Variants in SLC16A9 observed in about 807,000 individuals in gnomAD.
SLC16A9 encodes the protein monocarboxylate transporter 9.
SLC16A9 carries 26 observed loss-of-function variants against 44.3 expected under a neutral mutation model. The observed-to-expected ratio is 0.59, with a 90% CI of 0.43 to 0.81. The LOEUF (loss-of-function observed/expected upper bound fraction) is 0.81. Among genes scored for constraint, SLC16A9 ranks in the 40% least tolerant of loss-of-function variants. SLC16A9 has a pLI of 0.00. For synonymous variants in SLC16A9, 230 were observed against 225.1 expected (o/e 1.02, Z -0.19); for missense variants, 559 against 595.8 (o/e 0.94, Z 0.64).
At chr10:59,707,942 C>A (rs1477558384) in intron 1 of SLC16A9, among the ~76,000 whole-genome samples, 2 of 152,194 alleles carry the variant, frequency 1.3e-5, no homozygotes, top group African/African-American at 4.8e-5. Flanking sequence ...TCTTGATCTA[C>A]CTCCCCATAT....
intron 1 of SLC16A9, among the ~76,000 whole-genome samples, chr10:59,707,597 A>C (rs556174057): frequency 2.0e-5 from 3 of 151,968 alleles, no homozygotes; most frequent in South Asian, 4.1e-4. Flanking sequence ...AAAAAAAAAA[A>C]AAAACAAAAG....
At chr10:59,678,534 C>CTTTTTTTTTTTTTTTTTTTT (rs1839909825) in intron 2 of SLC16A9, among the ~76,000 whole-genome samples, 1 of 12,368 alleles carries the variant, frequency 8.1e-5, no homozygotes, top group African/African-American at 1.7e-4. Flanking sequence ...TTTTTTTTTT[C>CTTTTTTTTTTTTTTTTTTTT]TTTTTCTTTT....
At chr10:59,695,481 A>G (rs769786945) in intron 1 of SLC16A9, among the ~76,000 whole-genome samples, 25 of 152,174 alleles carry the variant, frequency 1.6e-4, no homozygotes, top group Non-Finnish European at 2.9e-4. Flanking sequence ...CACAGTTACA[A>G]TGACCAAATA....
At chr10:59,661,693 C>T (rs1458570537) in intron 4 of SLC16A9, among the ~76,000 whole-genome samples, 2 of 152,140 alleles carry the variant, frequency 1.3e-5, no homozygotes, top group African/African-American at 4.8e-5. Flanking sequence ...ATAGCCAAGA[C>T]AATTCTAAGC....
intron 4 of SLC16A9, among the ~76,000 whole-genome samples, chr10:59,655,569 C>T (rs1218203373): frequency 6.6e-6 from 1 of 152,070 alleles, no homozygotes; most frequent in Non-Finnish European, 1.5e-5. Context: ...ATTTAAATTA[C>T]AAAGTATGCT....
intron 1 of SLC16A9, among the ~76,000 whole-genome samples, chr10:59,690,644 A>G (rs1346187345): frequency 6.6e-6 from 1 of 152,244 alleles, no homozygotes; most frequent in Non-Finnish European, 1.5e-5. Flanking sequence ...CTCACAGAGC[A>G]AAACAAGATT....
At chr10:59,694,373 G>A (rs1171639) in intron 1 of SLC16A9, among the ~76,000 whole-genome samples, 2 of 151,752 alleles carry the variant, frequency 1.3e-5, no homozygotes, top group East Asian at 1.9e-4. Context: ...AGTAAGAAAA[G>A]AAAAAAGAGG....
At chr10:59,666,800 CTT>C (rs1839627780) in intron 3 of SLC16A9, among the ~76,000 whole-genome samples, 1 of 146,596 alleles carries the variant, frequency 6.8e-6, no homozygotes, top group Non-Finnish European at 1.5e-5. Context: ...CTGATATTTT[CTT>C]GTAAATGAAC....
At chr10:59,660,575 C>T (rs1350021271) in intron 4 of SLC16A9, among the ~76,000 whole-genome samples, 2 of 152,148 alleles carry the variant, frequency 1.3e-5, no homozygotes, top group African/African-American at 4.8e-5. Context: ...AACAGAGGTA[C>T]AAAGAGGAGC....
At chr10:59,695,773 G>T (rs867156459) in intron 1 of SLC16A9, among the ~76,000 whole-genome samples, 4 of 152,146 alleles carry the variant, frequency 2.6e-5, no homozygotes, top group Non-Finnish European at 5.9e-5. Flanking sequence ...AGAGGAATCT[G>T]AACAATGAGA....
intron 1 of SLC16A9, among the ~76,000 whole-genome samples, chr10:59,697,175 G>A (rs1242063580): frequency 1.4e-5 from 2 of 145,474 alleles, no homozygotes; most frequent in Admixed American, 6.8e-5. Flanking sequence ...CTGCCCGGCC[G>A]CCCCTACTGG....
chr10:59,695,666 A>G (rs1327982827), intron 1 of SLC16A9, among the ~76,000 whole-genome samples: 1 of 152,214 alleles, frequency 6.6e-6, no homozygotes, highest in Non-Finnish European at 1.5e-5. Context: ...TCAGGAAATT[A>G]TGTATTGCTT....
intron 3 of SLC16A9, among the ~76,000 whole-genome samples, chr10:59,666,175 T>C (rs2132433377): frequency 6.6e-6 from 1 of 152,080 alleles, no homozygotes; most frequent in African/African-American, 2.4e-5. Flanking sequence ...GGTGTGCACC[T>C]GTGGTCTCAG....
intron 3 of SLC16A9, among the ~76,000 whole-genome samples, chr10:59,672,223 C>G (rs897828553): frequency 2.0e-5 from 3 of 152,162 alleles, no homozygotes; most frequent in African/African-American, 7.2e-5. Context: ...TCCCCTGTAA[C>G]CAGCATCATC....
chr10:59,681,584 GTATGTATATGTA>G (rs199820860), intron 2 of SLC16A9, among the ~76,000 whole-genome samples: 1 of 4,894 alleles, frequency 2.0e-4, no homozygotes, highest in African/African-American at 3.8e-4. Flanking sequence ...ATGTGTATGT[GTATGTATATGTA>G]TATGTATATG....
intron 1 of SLC16A9, among the ~76,000 whole-genome samples, chr10:59,686,003 A>C (rs1483061672): frequency 5.7e-5 from 8 of 141,238 alleles, no homozygotes; most frequent in Admixed American, 3.6e-4. Flanking sequence ...TTTGAGATGG[A>C]GTTTTGCTCT....
At chr10:59,677,828 TAAACTC>T (rs1462058643) in intron 2 of SLC16A9, among the ~76,000 whole-genome samples, 4 of 152,140 alleles carry the variant, frequency 2.6e-5, no homozygotes, top group Non-Finnish European at 5.9e-5. Context: ...CTTTAGGAAA[TAAACTC>T]AACCTCCACG....
intron 1 of SLC16A9, among the ~76,000 whole-genome samples, chr10:59,692,841 T>C (rs182095430): frequency 2.6e-5 from 4 of 152,308 alleles, no homozygotes; most frequent in Admixed American, 2.6e-4. Flanking sequence ...AAAATGTAGG[T>C]AAACAAGTCA....
chr10:59,658,804 G>A (rs1214383569), intron 4 of SLC16A9, among the ~76,000 whole-genome samples: 1 of 152,160 alleles, frequency 6.6e-6, no homozygotes, highest in African/African-American at 2.4e-5. Context: ...ACCGGGCAGT[G>A]CTTTTTAAAA....
Sources: gnomAD v4.1 joint callset for allele counts (sites outside exome capture counted in the v4.1 genomes callset) on GRCh38, gnomAD v4.1.1 for gene constraint, MANE v1.5 for transcripts, NCBI Gene and HGNC (gene_info 2026-07-23, HGNC 2026-07-21) for gene names.